Variants in SOX5 observed in about 807,000 individuals in gnomAD.
SOX5 encodes the protein SRY-box transcription factor 5, also known as transcription factor SOX-5.
In SOX5, 9 loss-of-function variants were observed where a neutral mutation model predicts 92.0. The ratio of observed to expected loss-of-function variants is 0.10; its 90% CI spans 0.06 to 0.17. The LOEUF (loss-of-function observed/expected upper bound fraction) is 0.17, where lower values mean the gene tolerates loss of function less well. Among genes scored for constraint, SOX5 ranks in the 10% least tolerant of loss-of-function variants. The pLI is 1.00. For missense variants in SOX5, 642 were observed against 944.5 expected (o/e 0.68, Z 4.20); for synonymous variants, 344 against 336.3 (o/e 1.02, Z -0.25).
intron 1 of SOX5, among the ~76,000 whole-genome samples, chr12:24,403,131 G>C (rs914482720): frequency 6.6e-6 from 1 of 152,070 alleles, no homozygotes; most frequent in East Asian, 1.9e-4. Context: ...TCTCATACCT[G>C]AGCAGATGTT....
intron 3 of SOX5, among the ~76,000 whole-genome samples, chr12:23,843,544 G>C (rs1313609494): frequency 1.6e-5 from 2 of 128,766 alleles, no homozygotes; most frequent in Non-Finnish European, 3.1e-5. Context: ...ATATTTGACA[G>C]TCATTTCTCC....
At chr12:24,397,918 C>T (rs1250351212) in intron 1 of SOX5, among the ~76,000 whole-genome samples, 4 of 151,958 alleles carry the variant, frequency 2.6e-5, no homozygotes, top group Admixed American at 2.6e-4. Context: ...GGCACGATCT[C>T]GGCTCACTGC....
intron 1 of SOX5, among the ~76,000 whole-genome samples, chr12:24,445,096 T>C (rs938207323): frequency 2.0e-5 from 3 of 152,166 alleles, no homozygotes; most frequent in Non-Finnish European, 2.9e-5. Flanking sequence ...GCAATCCCCA[T>C]TGTAACAGAC....
chr12:23,824,524 C>A (rs1290293733), intron 3 of SOX5, among the ~76,000 whole-genome samples: 2 of 152,206 alleles, frequency 1.3e-5, no homozygotes, highest in Non-Finnish European at 2.9e-5. Flanking sequence ...CCAGCCGGAT[C>A]TCTCCTGTAT....
chr12:24,297,762 G>T (rs1372170895), intron 2 of SOX5, among the ~76,000 whole-genome samples: 1 of 152,184 alleles, frequency 6.6e-6, no homozygotes, highest in Non-Finnish European at 1.5e-5. Flanking sequence ...CGAAGGAAAA[G>T]AATTGTGCAA....
intron 3 of SOX5, among the ~76,000 whole-genome samples, chr12:24,219,845 A>G (rs1270531877): frequency 2.6e-5 from 4 of 152,178 alleles, no homozygotes; most frequent in African/African-American, 9.6e-5. Context: ...CACTTATTAT[A>G]AGATATTGCA....
chr12:24,269,391 C>T (rs73284917), intron 3 of SOX5, among the ~76,000 whole-genome samples: 2,899 of 152,240 alleles, frequency 0.019, 81 homozygotes, highest in African/African-American at 0.064. Flanking sequence ...AATATACTGA[C>T]ACCAATGGTA....
At chr12:23,905,983 T>C (rs1003783946) in intron 1 of SOX5, among the ~76,000 whole-genome samples, 2 of 152,208 alleles carry the variant, frequency 1.3e-5, no homozygotes, top group African/African-American at 4.8e-5. Context: ...TCAAAGATTC[T>C]ACATTTCAAT....
chr12:24,308,648 T>C (rs1262732009), intron 2 of SOX5, among the ~76,000 whole-genome samples: 1 of 152,214 alleles, frequency 6.6e-6, no homozygotes, highest in Non-Finnish European at 1.5e-5. Flanking sequence ...GCACATTACC[T>C]GGCACTCAGA....
chr12:24,244,723 T>C (rs1938269094), intron 3 of SOX5, among the ~76,000 whole-genome samples: 1 of 152,156 alleles, frequency 6.6e-6, no homozygotes, highest in African/African-American at 2.4e-5. Flanking sequence ...CTTTTCTTTT[T>C]CTCTTGTTGC....
chr12:24,055,075 A>C (rs1957966291), intron 4 of SOX5, among the ~76,000 whole-genome samples: 1 of 152,230 alleles, frequency 6.6e-6, no homozygotes, highest in East Asian at 1.9e-4. Context: ...TGAGGATAAA[A>C]AGATAGCTTT....
intron 4 of SOX5, among the ~76,000 whole-genome samples, chr12:23,994,151 C>T (rs7488652): frequency 0.38 from 57,356 of 151,534 alleles, 11,205 homozygotes; most frequent in East Asian, 0.56. Flanking sequence ...AAAACAAAAA[C>T]AAGAAAAAGG....
intron 4 of SOX5, among the ~76,000 whole-genome samples, chr12:24,162,387 C>G (rs1055877631): frequency 6.6e-6 from 1 of 152,006 alleles, no homozygotes; most frequent in Non-Finnish European, 1.5e-5. Context: ...GTAATGACTC[C>G]TAAGTAAGTC....
In SOX5 at chr12:24,101,064, G is replaced by C. The variant is rs1946037540; in HGVS notation, c.-2+112279C>G. On this transcript the variant is annotated intron_variant, in intron 4 of 4. Coordinates refer to the SOX5 transcript ENST00000446891. ...CCTTCTCCAACACCTTCTCCACAGA[G>C]TGAACAATCATCTTTAAGAAATCAA... Among the ~76,000 whole-genome samples, 3 of 152,130 alleles carry C rather than the reference G, an allele frequency of 2.0e-5. No homozygotes were observed. The South Asian group carries it at 6.2e-4, about 32-fold the overall frequency.
intron 4 of SOX5, among the ~76,000 whole-genome samples, chr12:24,113,255 T>TAAAAAAAAAAA (rs10717747): frequency 8.5e-6 from 1 of 118,186 alleles, no homozygotes; most frequent in Non-Finnish European, 1.7e-5. Flanking sequence ...TGTAGAATCA[T>TAAAAAAAAAAA]AAAAAAAAAA....
chr12:23,900,593 G>A (rs2097220127), intron 1 of SOX5, among the ~76,000 whole-genome samples: 1 of 152,144 alleles, frequency 6.6e-6, no homozygotes, highest in Non-Finnish European at 1.5e-5. Context: ...ATTGGTTCTG[G>A]AGGGTGACCG....
At chr12:24,527,827 CA>C (rs1367832197) in intron 1 of SOX5, among the ~76,000 whole-genome samples, 1 of 152,124 alleles carries the variant, frequency 6.6e-6, no homozygotes, top group East Asian at 1.9e-4. Context: ...TTCTTAAAAA[CA>C]AAAACAAAAA....
At position 23,616,501 on chromosome 12, in the gene SOX5, G is replaced by T. The variant is rs555198506; in HGVS notation, c.1018-11968C>A. 2.0e-5 allele frequency among the ~76,000 whole-genome samples: 3 copies of T among 152,254 alleles called. No homozygotes were observed. The South Asian group carries it at 6.2e-4, about 32-fold the overall frequency. ...ATTCCTCCTGAAGGGAGTAAGGAAG[G>T]GTATACTAAGGAATAGAGTCACCGG... On this transcript the variant is annotated intron_variant, in intron 8 of 14. Coordinates refer to ENST00000451604, the MANE Select transcript of SOX5 (RefSeq NM_006940.6).
intron 4 of SOX5, among the ~76,000 whole-genome samples, chr12:24,006,569 C>T (rs1348650408): frequency 6.6e-6 from 1 of 152,022 alleles, no homozygotes; most frequent in Non-Finnish European, 1.5e-5. Context: ...GTGTTCTGTG[C>T]CTGGACCTGT....
Sources: allele counts gnomAD v4.1 joint callset (sites outside exome capture counted in the v4.1 genomes callset), GRCh38; gene constraint gnomAD v4.1.1; transcripts MANE v1.5; gene names NCBI Gene and HGNC (gene_info 2026-07-23, HGNC 2026-07-21).